PAK5: variants seen among roughly 807,000 people sequenced by gnomAD.
The protein encoded by PAK5 is p21 (RAC1) activated kinase 5, also known as serine/threonine-protein kinase PAK 5.
A neutral mutation model predicts 65.9 loss-of-function variants in PAK5; 16 were observed. The observed-to-expected ratio is 0.24, with a 90% CI of 0.16 to 0.37. The LOEUF is 0.37. PAK5 is among the 10% of genes least tolerant of loss of function. The probability of loss-of-function intolerance (pLI) is 1.00; values close to 1 mark genes in which losing one functional copy is unlikely to be tolerated. For missense variants in PAK5, 785 were observed against 903.9 expected (o/e 0.87, Z 1.69); for synonymous variants, 371 against 354.9 (o/e 1.05, Z -0.51).
intron 1 of PAK5, among the ~76,000 whole-genome samples, chr20:9,835,249 T>A (rs1232155900): frequency 6.6e-6 from 1 of 152,098 alleles, no homozygotes; most frequent in East Asian, 1.9e-4. Flanking sequence ...CTTACAGACA[T>A]AGCCAAACAA....
intron 3 of PAK5, among the ~76,000 whole-genome samples, chr20:9,642,215 C>T (rs2047078740): frequency 6.6e-6 from 1 of 152,156 alleles, no homozygotes; most frequent in Admixed American, 6.5e-5. Context: ...GTTCTAGATC[C>T]CTGAGGAATC....
At chr20:9,593,597 G>T (rs540291663) in intron 3 of PAK5, among the ~76,000 whole-genome samples, 1 of 152,072 alleles carries the variant, frequency 6.6e-6, no homozygotes, top group East Asian at 1.9e-4. Context: ...GACAGGCCCC[G>T]GTGTGCGATG....
intron 3 of PAK5, among the ~76,000 whole-genome samples, chr20:9,640,149 G>A (rs1466017747): frequency 6.6e-6 from 1 of 151,434 alleles, no homozygotes. Flanking sequence ...TTGGTGTGCT[G>A]CACCCATTAA....
intron 1 of PAK5, among the ~76,000 whole-genome samples, chr20:9,730,047 A>T (rs28366762): frequency 0.66 from 93,536 of 142,330 alleles, 31,064 homozygotes; most frequent in South Asian, 0.83. Flanking sequence ...TCTCGAAAAA[A>T]AAAAAAGAGA....
chr20:9,749,528 C>T lies in PAK5; in HGVS notation c.-161-38093G>A, dbSNP rs6133745. On this transcript the variant is annotated intron_variant, in intron 1 of 9. Coordinates refer to ENST00000353224, the MANE Select transcript of PAK5 (RefSeq NM_177990.4). ...CCAGGGCTCACTCATGGAAAGCAGA[C>T]GATAAATGAGGGTTCTGAAATAAGT... Among the ~76,000 whole-genome samples, 1,100 of 151,978 alleles carry T rather than the reference C, an allele frequency of 7.2e-3. 8 individuals carry two copies. The highest frequency in any genetic ancestry group is 0.014 in the Middle Eastern group (4 of 292).
Position 9,704,144 on chromosome 20 carries a change from A to G in PAK5, c.-12+7142T>C, listed in dbSNP as rs115627335. On this transcript the variant is annotated intron_variant, in intron 2 of 9. Transcript: ENST00000353224. The stretch of plus-strand genomic sequence containing the variant: ...CTGAGTTTGAAACAGAAGATTTTAC[A>G]AAGCTGTGTATCCTGTCTCCTTGGC... 4.5e-3 allele frequency among the ~76,000 whole-genome samples: 683 copies of G among 152,230 alleles called. 6 individuals carry two copies. The highest frequency in any genetic ancestry group is 0.016 in the African/African-American group (664 of 41,530).
chr20:9,590,927 G>A (rs1205871022), intron 3 of PAK5, among the ~76,000 whole-genome samples: 1 of 152,172 alleles, frequency 6.6e-6, no homozygotes, highest in African/African-American at 2.4e-5. Context: ...GCAACAGTAG[G>A]TGTTGTGGGC....
At chr20:9,675,054 G>C (rs79902679) in intron 2 of PAK5, among the ~76,000 whole-genome samples, 3,728 of 152,236 alleles carry the variant, frequency 0.024, 88 homozygotes, top group African/African-American at 0.059. Context: ...CTCCTAAATA[G>C]GAACTCTGGC....
intron 1 of PAK5, among the ~76,000 whole-genome samples, chr20:9,733,966 CA>C (rs1248092724): frequency 2.6e-5 from 4 of 152,164 alleles, no homozygotes; most frequent in Non-Finnish European, 5.9e-5. Context: ...GGTTTTAACA[CA>C]TTTTAAATGG....
At chr20:9,807,579 CA>C (rs2049247931) in intron 1 of PAK5, among the ~76,000 whole-genome samples, 1 of 151,922 alleles carries the variant, frequency 6.6e-6, no homozygotes, top group Non-Finnish European at 1.5e-5. Context: ...TTTACAGCTG[CA>C]AAAAGTTGAA....
rs970936522 is a variant in PAK5, at chr20:9,715,138, T to C, written c.-161-3703A>G. ...ACAGAATCGGAGAAAAATTTTGCAA[T>C]CTACTCATTTGACAAAGGGCTAATA... On this transcript the variant is annotated intron_variant, in intron 1 of 9. Coordinates refer to ENST00000353224, the MANE Select transcript of PAK5 (RefSeq NM_177990.4). Among the ~76,000 whole-genome samples, 12 of 152,254 alleles carry C rather than the reference T, an allele frequency of 7.9e-5. No individual in the cohort carries two copies. The East Asian group carries it at 1.5e-3, about 20-fold the overall frequency.
intron 2 of PAK5, among the ~76,000 whole-genome samples, chr20:9,708,750 C>T (rs1027759196): frequency 6.6e-6 from 1 of 152,156 alleles, no homozygotes. Flanking sequence ...CTCCACACCT[C>T]CACCTAAGGG....
chr20:9,728,744 C>T (rs1012578515), intron 1 of PAK5, among the ~76,000 whole-genome samples: 4 of 139,794 alleles, frequency 2.9e-5, no homozygotes, highest in African/African-American at 1.1e-4. Context: ...CAGCCCATGG[C>T]CAAATCCTTC....
intron 3 of PAK5, among the ~76,000 whole-genome samples, chr20:9,612,568 G>C (rs1488193152): frequency 4.6e-5 from 7 of 152,074 alleles, no homozygotes; most frequent in Non-Finnish European, 8.8e-5. Flanking sequence ...GATCTTGCAA[G>C]AACTCACTCA....
At chr20:9,766,578 T>C (rs189189671) in intron 1 of PAK5, among the ~76,000 whole-genome samples, 8 of 146,002 alleles carry the variant, frequency 5.5e-5, no homozygotes, top group Admixed American at 1.4e-4. Context: ...AATGGAATAC[T>C]ATGGAGTAAT....
At chr20:9,727,484 C>T (rs2048289511) in intron 1 of PAK5, among the ~76,000 whole-genome samples, 1 of 152,132 alleles carries the variant, frequency 6.6e-6, no homozygotes. Context: ...ATCCTGCTCT[C>T]TACAAACTTT....
At chr20:9,752,513 A>G (rs2048588491) in intron 1 of PAK5, among the ~76,000 whole-genome samples, 1 of 152,100 alleles carries the variant, frequency 6.6e-6, no homozygotes, top group Non-Finnish European at 1.5e-5. Context: ...TAGCAGTGGT[A>G]AGAGGTAGAT....
At chr20:9,790,202 A>G (rs183509845) in intron 1 of PAK5, among the ~76,000 whole-genome samples, 38 of 152,248 alleles carry the variant, frequency 2.5e-4, no homozygotes, top group African/African-American at 9.1e-4. Context: ...GCTTTATCTC[A>G]AGACTTTCAG....
Position 9,539,448 on chromosome 20 carries a change from C to T in PAK5, c.*14G>A. 11 of 1,612,556 alleles carry T rather than the reference C, an allele frequency of 6.8e-6. No individual in the cohort carries two copies. Among genetic ancestry groups the T allele is most frequent in the Non-Finnish European group, 8.5e-6 (10 of 1,178,740 alleles). On this transcript the variant is annotated 3_prime_UTR_variant, in exon 10 of 10. Transcript: ENST00000353224. The stretch of plus-strand genomic sequence containing the variant: ...TGTCCTCATCTAGCTTTGCCACCTA[C>T]ACGAATCCTCTGCTCAGTGATGCCT...
Sources: allele counts gnomAD v4.1 joint callset (sites outside exome capture counted in the v4.1 genomes callset), GRCh38; gene constraint gnomAD v4.1.1; transcripts MANE v1.5; gene names NCBI Gene and HGNC (gene_info 2026-07-23, HGNC 2026-07-21).